The following CHM variants were observed in gnomAD, a reference collection of about 807,000 sequenced individuals.
The protein encoded by CHM is rab proteins geranylgeranyltransferase component A 1.
A neutral mutation model predicts 49.0 loss-of-function variants in CHM; 10 were observed. The observed-to-expected ratio is 0.20, with a 90% CI of 0.13 to 0.35. The LOEUF (loss-of-function observed/expected upper bound fraction) is 0.35. CHM is among the 10% of genes least tolerant of loss of function. CHM has a pLI of 1.00. For missense variants in CHM, 455 were observed against 478.4 expected (o/e 0.95, Z 0.46); for synonymous variants, 184 against 167.5 (o/e 1.10, Z -0.76).
intron 2 of CHM, among the ~76,000 whole-genome samples, chrX:86,012,138 T>A (rs1212109377): frequency 9.0e-6 from 1 of 110,908 alleles, no homozygotes; most frequent in African/African-American, 3.3e-5. Context: ...GGCAGAAACA[T>A]AGGGATCCTC....
intron 2 of CHM, among the ~76,000 whole-genome samples, chrX:86,022,739 A>G (rs939688894): frequency 9.0e-6 from 1 of 111,099 alleles, no homozygotes; most frequent in Non-Finnish European, 1.9e-5. Flanking sequence ...ACATACCCAC[A>G]TACACATACA....
intron 8 of CHM, among the ~76,000 whole-genome samples, chrX:85,925,429 C>T (rs570106417): frequency 2.7e-5 from 3 of 111,320 alleles, no homozygotes; most frequent in East Asian, 2.8e-4. Flanking sequence ...GTCTGAACAC[C>T]CATGCTATTT....
At chrX:85,874,618 A>T (rs7055043) in intron 13 of CHM, among the ~76,000 whole-genome samples, 4,183 of 111,186 alleles carry the variant, frequency 0.038, 172 homozygotes, top group African/African-American at 0.12. Flanking sequence ...TCCTAGTTCA[A>T]CCTGAATAAT....
At chrX:85,946,001 C>T (rs755537156) in intron 8 of CHM, among the ~76,000 whole-genome samples, 1 of 112,004 alleles carries the variant, frequency 8.9e-6, no homozygotes, top group South Asian at 3.7e-4. Context: ...TCTGTGGAAG[C>T]TTGACTTGAG....
At chrX:86,025,370 G>A (rs894621435) in intron 2 of CHM, among the ~76,000 whole-genome samples, 1 of 110,960 alleles carries the variant, frequency 9.0e-6, no homozygotes, top group Non-Finnish European at 1.9e-5. Flanking sequence ...TTCATTCTGG[G>A]AAGACCTCAT....
At chrX:85,989,971 A>G (rs1307459124) in intron 2 of CHM, among the ~76,000 whole-genome samples, 1 of 112,283 alleles carries the variant, frequency 8.9e-6, no homozygotes, top group African/African-American at 3.2e-5. Flanking sequence ...CATCCAATCC[A>G]GCAATCCCAG....
At chrX:85,880,611 G>C (rs1320346973) in intron 12 of CHM, among the ~76,000 whole-genome samples, 1 of 111,309 alleles carries the variant, frequency 9.0e-6, no homozygotes, top group Non-Finnish European at 1.9e-5. Context: ...TGTTAAACAG[G>C]ACATATATTT....
chrX:86,008,181 C>A (rs1170299403), intron 2 of CHM, among the ~76,000 whole-genome samples: 1 of 111,745 alleles, frequency 8.9e-6, no homozygotes, highest in African/African-American at 3.3e-5. Flanking sequence ...ATGACATGTT[C>A]TCACTCATAG....
chrX:85,960,754 G>A (rs765928745), intron 5 of CHM, among the ~76,000 whole-genome samples: 60 of 110,730 alleles, frequency 5.4e-4, no homozygotes, highest in African/African-American at 2.0e-3. Flanking sequence ...CCCTCTAAGC[G>A]ATCTACCACA....
intron 1 of CHM, among the ~76,000 whole-genome samples, chrX:86,037,202 CG>C (rs1403050287): frequency 1.9e-5 from 2 of 104,772 alleles, no homozygotes; most frequent in African/African-American, 7.0e-5. Context: ...CTGCAACCTC[CG>C]CCTCCCGGGT....
intron 12 of CHM, among the ~76,000 whole-genome samples, chrX:85,880,719 A>G (rs181463999): frequency 1.8e-3 from 199 of 111,844 alleles, no homozygotes; most frequent in African/African-American, 6.2e-3. Flanking sequence ...GTGAAGTAAG[A>G]TTATCATCTC....
intron 8 of CHM, among the ~76,000 whole-genome samples, chrX:85,932,032 T>G (rs1928466769): frequency 9.0e-6 from 1 of 111,671 alleles, no homozygotes; most frequent in Non-Finnish European, 1.9e-5. Context: ...CATTAAGGAA[T>G]TAAACTCAAT....
chrX:86,004,435 GC>G (rs1932809782), intron 2 of CHM, among the ~76,000 whole-genome samples: 1 of 111,763 alleles, frequency 8.9e-6, no homozygotes, highest in South Asian at 3.7e-4. Context: ...ATGTAAATGG[GC>G]TAAATGCCCC....
intron 8 of CHM, among the ~76,000 whole-genome samples, chrX:85,915,437 G>C (rs889985617): frequency 9.0e-6 from 1 of 111,728 alleles, no homozygotes; most frequent in Non-Finnish European, 1.9e-5. Flanking sequence ...CACAGTATTG[G>C]AAATTCTGGC....
chrX:86,025,001 T>C (rs918594310), intron 2 of CHM, among the ~76,000 whole-genome samples: 1 of 111,044 alleles, frequency 9.0e-6, no homozygotes, highest in Non-Finnish European at 1.9e-5. Flanking sequence ...ATAGGCTATA[T>C]GAAACTGGGG....
At chrX:85,957,618 T>C (rs1930069152) in intron 7 of CHM, among the ~76,000 whole-genome samples, 1 of 98,730 alleles carries the variant, frequency 1.0e-5, no homozygotes, top group South Asian at 4.1e-4. Flanking sequence ...CACATGGGGC[T>C]ATGGGAGCCC....
intron 2 of CHM, among the ~76,000 whole-genome samples, chrX:85,984,346 T>C (rs559466117): frequency 8.9e-6 from 1 of 112,091 alleles, no homozygotes; most frequent in Non-Finnish European, 1.9e-5. Flanking sequence ...ACATGGTTAA[T>C]GAGCACATGA....
rs545455840 is a variant in CHM at position 85,975,349 on chromosome X, A to C, written c.314+3418T>G. Among the ~76,000 whole-genome samples, 20 of 112,479 alleles carry C rather than the reference A, an allele frequency of 1.8e-4. No individual in the cohort carries two copies. In the South Asian group the frequency reaches 7.3e-3, roughly 41 times the overall value. On this transcript the variant is annotated intron_variant, in intron 4 of 14. Coordinates refer to ENST00000357749, the MANE Select transcript of CHM (RefSeq NM_000390.4). ...GAGAAAGTCACATGAAAACCAATGC[A>C]CAAAATTGCATAACAGCTTTATTTG...
intron 2 of CHM, among the ~76,000 whole-genome samples, chrX:86,019,368 T>C (rs1387817998): frequency 9.0e-6 from 1 of 111,256 alleles, no homozygotes; most frequent in Admixed American, 9.6e-5. Flanking sequence ...AAAGAAGGCT[T>C]AAAAATAAAG....
Sources: gnomAD v4.1 joint callset for allele counts (sites outside exome capture counted in the v4.1 genomes callset) on GRCh38, gnomAD v4.1.1 for gene constraint, MANE v1.5 for transcripts, NCBI Gene and HGNC (gene_info 2026-07-23, HGNC 2026-07-21) for gene names.